The following CNIH3 variants were observed in gnomAD, a reference collection of about 807,000 sequenced individuals.
CNIH3 encodes the protein protein cornichon homolog 3.
In CNIH3, 14 loss-of-function variants were observed where a neutral mutation model predicts 24.1. That is an observed-to-expected ratio of 0.58 (90% CI 0.38 to 0.91). The LOEUF is 0.91. Ranked by LOEUF, CNIH3 falls within the 40% of genes least tolerant of loss-of-function variation. The probability of loss-of-function intolerance (pLI) is 0.00; values close to 1 mark genes in which losing one functional copy is unlikely to be tolerated. For missense variants in CNIH3, 178 were observed against 196.8 expected (o/e 0.90, Z 0.57); for synonymous variants, 68 against 73.8 (o/e 0.92, Z 0.40).
chr1:224,671,292 C>T (rs182238675), intron 1 of CNIH3, among the ~76,000 whole-genome samples: 7 of 152,350 alleles, frequency 4.6e-5, no homozygotes, highest in Non-Finnish European at 8.8e-5. Context: ...CAACCAGAGG[C>T]TCTGTGCTGG....
chr1:224,437,958 G>A (rs1257053476), intron 1 of CNIH3, among the ~76,000 whole-genome samples: 1 of 151,436 alleles, frequency 6.6e-6, no homozygotes, highest in Non-Finnish European at 1.5e-5. Flanking sequence ...TGTCGCCCAG[G>A]CTGGAGTGCA....
At chr1:224,483,466 G>A (rs968645945) in intron 1 of CNIH3, among the ~76,000 whole-genome samples, 10 of 151,058 alleles carry the variant, frequency 6.6e-5, no homozygotes, top group Admixed American at 4.6e-4. Context: ...TTGGCTCACC[G>A]CAACCTCCGC....
chr1:224,672,511 A>G (rs56195037), intron 1 of CNIH3, among the ~76,000 whole-genome samples: 16,987 of 152,200 alleles, frequency 0.11, 1,219 homozygotes, highest in African/African-American at 0.2. Context: ...TTCCCTCCAA[A>G]TGCTCTAAGG....
At chr1:224,687,046 G>A (rs922251710) in intron 3 of CNIH3, among the ~76,000 whole-genome samples, 6 of 152,114 alleles carry the variant, frequency 3.9e-5, no homozygotes, top group African/African-American at 1.2e-4. Context: ...ACTCATCGTC[G>A]TGGAAAATAC....
intron 1 of CNIH3, among the ~76,000 whole-genome samples, chr1:224,671,671 TC>T (rs1385409220): frequency 2.0e-5 from 3 of 152,194 alleles, no homozygotes; most frequent in Admixed American, 6.5e-5. Flanking sequence ...GAACACAAAA[TC>T]AAATAAAACA....
chr1:224,598,402 A>C (rs989992659), intron 3 of CNIH3, among the ~76,000 whole-genome samples: 2 of 152,244 alleles, frequency 1.3e-5, no homozygotes, highest in Non-Finnish European at 2.9e-5. Context: ...TGAAGATGCT[A>C]TGAATATCGT....
At chr1:224,515,884 G>T (rs1414570834) in intron 1 of CNIH3, 2 of 152,156 alleles carry the variant, frequency 1.3e-5, no homozygotes, top group African/African-American at 4.8e-5. Flanking sequence ...AAGGTACGAA[G>T]GTCGTTGCTT....
intron 1 of CNIH3, among the ~76,000 whole-genome samples, chr1:224,648,531 T>A (rs539083902): frequency 6.6e-6 from 1 of 152,286 alleles, no homozygotes; most frequent in South Asian, 2.1e-4. Flanking sequence ...ACATTAAATG[T>A]CTGTTTCGTG....
Position 224,684,919 on chromosome 1 carries a change from A to G in CNIH3, c.198+76A>G. 2.2e-6 allele frequency: 3 copies of G among 1,379,344 alleles called. No individual in the cohort carries two copies. Among genetic ancestry groups the G allele is most frequent in the Non-Finnish European group, 1.0e-6 (1 of 966,088 alleles). The allele number at this position is 1,379,344 out of a possible 1,614,324, so 85.4% of individuals were successfully genotyped here. On this transcript the variant is annotated intron_variant, in intron 3 of 5. Coordinates refer to ENST00000272133, the MANE Select transcript of CNIH3 (RefSeq NM_152495.2). The surrounding 1 kb of genome is among the most constrained non-coding windows in gnomAD (Gnocchi z 4.2). ...GGGCACACAGTGAAAGAGGCTAGTGAGGCTCTGCCTGCTCCAGTCCTGTCC... is the reference window on the plus strand; with the variant it reads ...GGGCACACAGTGAAAGAGGCTAGTGGGGCTCTGCCTGCTCCAGTCCTGTCC...
intron 4 of CNIH3, among the ~76,000 whole-genome samples, chr1:224,732,746 C>A (rs556134006): frequency 6.6e-6 from 1 of 152,162 alleles, no homozygotes; most frequent in African/African-American, 2.4e-5. Context: ...GATCAGGGCA[C>A]TGCTTCGTGG....
intron 1 of CNIH3, among the ~76,000 whole-genome samples, chr1:224,645,514 G>A (rs982326489): frequency 6.6e-6 from 1 of 152,256 alleles, no homozygotes; most frequent in African/African-American, 2.4e-5. Flanking sequence ...TGAAGGCAGG[G>A]CCACGCAGCT....
At chr1:224,502,655 G>A (rs1451043675) in intron 1 of CNIH3, among the ~76,000 whole-genome samples, 1 of 152,128 alleles carries the variant, frequency 6.6e-6, no homozygotes, top group African/African-American at 2.4e-5. Context: ...AGTAATTACT[G>A]AGCAACCCCC....
At chr1:224,550,818 A>G (rs1195863310) in intron 3 of CNIH3, among the ~76,000 whole-genome samples, 1 of 151,672 alleles carries the variant, frequency 6.6e-6, no homozygotes, top group African/African-American at 2.4e-5. Context: ...TCGTCATTTA[A>G]CATTAGGTTA....
intron 1 of CNIH3, among the ~76,000 whole-genome samples, chr1:224,462,006 T>G (rs958318896): frequency 1.6e-4 from 24 of 152,130 alleles, no homozygotes; most frequent in African/African-American, 5.8e-4. Flanking sequence ...AAAAAAGACT[T>G]TTACTTTTTA....
chr1:224,685,517 A>C (rs1283213339), intron 3 of CNIH3, among the ~76,000 whole-genome samples: 4 of 152,204 alleles, frequency 2.6e-5, no homozygotes, highest in Non-Finnish European at 4.4e-5. Flanking sequence ...TTGCAGCAAA[A>C]TATGGAGAAC....
intron 1 of CNIH3, among the ~76,000 whole-genome samples, chr1:224,446,798 A>G (rs1413494943): frequency 6.6e-6 from 1 of 152,170 alleles, no homozygotes; most frequent in Admixed American, 6.5e-5. Context: ...GATTCAAAGA[A>G]GTCTATCTAG....
At chr1:224,680,228 G>A (rs1019069601) in intron 1 of CNIH3, among the ~76,000 whole-genome samples, 6 of 152,216 alleles carry the variant, frequency 3.9e-5, no homozygotes, top group African/African-American at 1.4e-4. Flanking sequence ...AGGTAGCTGT[G>A]GTGAGGATGT....
intron 1 of CNIH3, among the ~76,000 whole-genome samples, chr1:224,637,269 C>T (rs534690176): frequency 5.5e-4 from 84 of 152,244 alleles, no homozygotes; most frequent in Non-Finnish European, 9.9e-4. Flanking sequence ...GCTTTCTTTA[C>T]TTGTGAGCAG....
At chr1:224,702,651 T>G (rs1687562012) in intron 3 of CNIH3, among the ~76,000 whole-genome samples, 1 of 152,198 alleles carries the variant, frequency 6.6e-6, no homozygotes, top group African/African-American at 2.4e-5. Context: ...TTCAACCCAC[T>G]GGGGGACGTT....
Sources: gnomAD v4.1 joint callset for allele counts (sites outside exome capture counted in the v4.1 genomes callset) on GRCh38, gnomAD v4.1.1 for gene constraint, Gnocchi (gnomAD v3.1) non-coding constraint, MANE v1.5 for transcripts, NCBI Gene and HGNC (gene_info 2026-07-23, HGNC 2026-07-21) for gene names.